SLC9A8: variants seen among roughly 807,000 people sequenced by gnomAD.
SLC9A8 encodes sodium/hydrogen exchanger 8.
SLC9A8 carries 48 observed loss-of-function variants against 66.6 expected under a neutral mutation model. The ratio of observed to expected loss-of-function variants is 0.72; its 90% CI spans 0.57 to 0.92. The LOEUF is 0.92. Among genes scored for constraint, SLC9A8 ranks in the 40% least tolerant of loss-of-function variants. SLC9A8 has a pLI of 0.00. For missense variants in SLC9A8, 599 were observed against 747.3 expected, an observed-to-expected ratio of 0.80 and a Z score of 2.31; for synonymous variants, 274 against 282.6, an observed-to-expected ratio of 0.97 and a Z score of 0.31.
Position 49,888,024 on chromosome 20 carries a change from G to A in SLC9A8, c.*88G>A, listed in dbSNP as rs2146798507. 2.0e-6 allele frequency: 2 copies of A among 998,326 alleles called. No homozygotes were observed. The highest frequency in any genetic ancestry group is 3.1e-6 in the Non-Finnish European group (2 of 637,594). 61.8% of individuals were successfully genotyped at this position (998,326 alleles called of 1,614,324 possible). On this transcript the variant is annotated 3_prime_UTR_variant, in exon 16 of 16. Transcript: ENST00000361573. ...CAGCAGGGGCCTCGCAGAGATGCGT[G>A]CATCCAGCAGCCCCTTCAAGACATA...
intron 3 of SLC9A8, among the ~76,000 whole-genome samples, chr20:49,825,658 AAAAAATTGG>A (rs2086889202): frequency 1.3e-5 from 2 of 152,102 alleles, no homozygotes; most frequent in South Asian, 4.1e-4. Flanking sequence ...AAACAAACAA[AAAAAATTGG>A]TGGGGGTAGG....
chr20:49,833,987 G>A (rs911001973), intron 3 of SLC9A8, among the ~76,000 whole-genome samples: 11 of 151,358 alleles, frequency 7.3e-5, no homozygotes, highest in Admixed American at 6.6e-4. Context: ...AGTGGCTCAC[G>A]CCTGTAATCC....
chr20:49,834,492 A>G (rs1170452602), intron 3 of SLC9A8, among the ~76,000 whole-genome samples: 1 of 144,026 alleles, frequency 6.9e-6, no homozygotes, highest in African/African-American at 2.6e-5. Context: ...TACTGTATAT[A>G]TACACACACA....
chr20:49,848,820 T>C (rs1045056701), intron 5 of SLC9A8, among the ~76,000 whole-genome samples: 3 of 152,140 alleles, frequency 2.0e-5, no homozygotes, highest in Admixed American at 2.0e-4. Flanking sequence ...GTGTGGACTT[T>C]GGATGTGAAA....
rs1276035845 is a variant in SLC9A8, at chr20:49,884,044, A to G, written c.1469A>G (p.Asn490Ser). ...CACCGCAGGAACAAGAAGGACGTCAACCTCAGCAAGACTGAGAAGATGGTT... is the reference window on the plus strand; with the variant it reads ...CACCGCAGGAACAAGAAGGACGTCAGCCTCAGCAAGACTGAGAAGATGGTT... ...KAHRRNKKDV[N>S]LSKTEKMGNT... Residue 490 changes from asparagine to serine, a missense_variant, in exon 14 of 16, where the codon AAC becomes AGC. Around this residue, in one of 2 missense-constraint regions of SLC9A8, gnomAD observed 467 missense variants for 626.5 expected, o/e 0.75. Coordinates refer to ENST00000361573, the MANE Select transcript of SLC9A8 (RefSeq NM_015266.3). The G allele has an allele frequency of 1.1e-5, 18 of 1,613,430 alleles. No homozygotes were observed. The highest frequency in any genetic ancestry group is 1.5e-5 in the Non-Finnish European group (18 of 1,179,978).
Position 49,862,949 on chromosome 20 carries a change from G to GA in SLC9A8, c.740dup (p.Asn247LysfsTer16). Reference sequence around the variant, plus strand: ...CCTAGCACAGCTGAAGGTTTAACAAGAAAAAATATGTCAGATGTCAGTGGG... The same window carrying GA: ...CCTAGCACAGCTGAAGGTTTAACAAGAAAAAAATATGTCAGATGTCAGTGGG... On this transcript the variant is annotated frameshift_variant, in exon 9 of 16. Coordinates refer to ENST00000361573, the MANE Select transcript of SLC9A8 (RefSeq NM_015266.3). LOFTEE classifies it high-confidence loss of function. The GA allele has an allele frequency of 6.2e-7, 1 of 1,612,708 alleles. No homozygotes were observed. The highest frequency in any genetic ancestry group is 8.5e-7 in the Non-Finnish European group (1 of 1,179,062).
In SLC9A8 at chr20:49,812,869, C is replaced by T; in HGVS notation, c.-54C>T. ...CTCCAGCGGAAGCCGGAAGCAAAAG[C>T]GGGTCCTGCTAGCCCCGCGGCTCCG... On this transcript the variant is annotated 5_prime_UTR_variant, in exon 1 of 16. Transcript: ENST00000361573. 4 of 1,492,718 alleles carry T rather than the reference C, an allele frequency of 2.7e-6. No homozygotes were observed. Among genetic ancestry groups the T allele is most frequent in the Non-Finnish European group, 3.6e-6 (4 of 1,123,386 alleles). 92.5% of individuals were successfully genotyped at this position (1,492,718 alleles called of 1,614,324 possible).
Position 49,812,950 on chromosome 20 carries a change from T to A in SLC9A8, c.26+2T>A. On this transcript the variant is annotated splice_donor_variant, in intron 1 of 15. Coordinates refer to ENST00000361573, the MANE Select transcript of SLC9A8 (RefSeq NM_015266.3). LOFTEE classifies it high-confidence loss of function. ...GGGGGAGAAGATGGCGGAAGAGGAG[T>A]GAGTGGGCTTTTTCCCGGGCGGCGG... 1 of 1,428,624 alleles carries A rather than the reference T, an allele frequency of 7.0e-7. No individual in the cohort carries two copies. The highest frequency in any genetic ancestry group is 9.2e-7 in the Non-Finnish European group (1 of 1,091,852). 88.5% of individuals were successfully genotyped at this position (1,428,624 alleles called of 1,614,324 possible). A position where few individuals can be genotyped will look rare whatever the true frequency, so the allele number is the denominator to read the frequency against.
Position 49,870,790 on chromosome 20 carries a change from C to G in SLC9A8, c.959-3915C>G, listed in dbSNP as rs527821957. On this transcript the variant is annotated intron_variant, in intron 10 of 15. Transcript: ENST00000361573. ...AATCACGTCTCACTGCAGCCTTGACCTCCCCAGGTTTAGGTGATCCTTCCA... is the reference window on the plus strand; with the variant it reads ...AATCACGTCTCACTGCAGCCTTGACGTCCCCAGGTTTAGGTGATCCTTCCA... Among the ~76,000 whole-genome samples the G allele has an allele frequency of 6.6e-5, 10 of 152,340 alleles. No individual in the cohort carries two copies. In the East Asian group the frequency reaches 1.9e-3, roughly 29 times the overall value.
At chr20:49,813,984 CTGTT>C (rs1026130153) in intron 1 of SLC9A8, among the ~76,000 whole-genome samples, 8 of 152,156 alleles carry the variant, frequency 5.3e-5, no homozygotes, top group South Asian at 2.1e-4. Context: ...TGCCCTATCA[CTGTT>C]TGTGGAATGA....
At chr20:49,825,935 G>T (rs1226045953) in intron 3 of SLC9A8, among the ~76,000 whole-genome samples, 1 of 152,212 alleles carries the variant, frequency 6.6e-6, no homozygotes, top group Non-Finnish European at 1.5e-5. Context: ...ACCAAAAGTT[G>T]CAGGATGAAC....
At chr20:49,827,696 CA>C (rs1445339929) in intron 3 of SLC9A8, among the ~76,000 whole-genome samples, 1 of 151,932 alleles carries the variant, frequency 6.6e-6, no homozygotes, top group Non-Finnish European at 1.5e-5. Flanking sequence ...GAGTTTCCCC[CA>C]ACCCCAAAAA....
At chr20:49,818,827 T>C (rs563820467) in intron 2 of SLC9A8, among the ~76,000 whole-genome samples, 6 of 152,346 alleles carry the variant, frequency 3.9e-5, no homozygotes, top group African/African-American at 1.4e-4. Flanking sequence ...TAAAAATTGC[T>C]GTTATTAGGT....
intron 5 of SLC9A8, among the ~76,000 whole-genome samples, chr20:49,845,796 G>A (rs1011897313): frequency 5.3e-5 from 8 of 151,960 alleles, no homozygotes; most frequent in African/African-American, 9.7e-5. Flanking sequence ...TGGCCTTGAC[G>A]GCCATTGCCT....
At chr20:49,843,295 C>T (rs1209375643) in intron 4 of SLC9A8, among the ~76,000 whole-genome samples, 3 of 152,136 alleles carry the variant, frequency 2.0e-5, no homozygotes, top group Non-Finnish European at 2.9e-5. Context: ...GAGCTCGGCT[C>T]ATTTTTTTTC....
chr20:49,833,084 T>C (rs1367946600), intron 3 of SLC9A8, among the ~76,000 whole-genome samples: 4 of 152,150 alleles, frequency 2.6e-5, no homozygotes, highest in African/African-American at 9.7e-5. Flanking sequence ...TTTTGTATTT[T>C]TAGCGGAGAC....
chr20:49,827,808 A>C (rs951572854), intron 3 of SLC9A8, among the ~76,000 whole-genome samples: 10 of 152,068 alleles, frequency 6.6e-5, no homozygotes, highest in Non-Finnish European at 1.3e-4. Context: ...AATACTGCTG[A>C]TGATTAGAAA....
At chr20:49,839,426 C>G (rs879301199) in intron 3 of SLC9A8, 115 bp from the exon 4 acceptor site, 169 of 584,626 alleles carry the variant, frequency 2.9e-4, no homozygotes, top group Middle Eastern at 1.5e-3. Flanking sequence ...GAAGCTGTGC[C>G]CCAACCACCT....
chr20:49,832,166 C>G (rs974866008), intron 3 of SLC9A8, among the ~76,000 whole-genome samples: 1 of 152,208 alleles, frequency 6.6e-6, no homozygotes, highest in Non-Finnish European at 1.5e-5. Flanking sequence ...CCACCTTCCT[C>G]TCATGGAGAC....
Sources: gnomAD v4.1 joint callset for allele counts (sites outside exome capture counted in the v4.1 genomes callset) on GRCh38, gnomAD v4.1.1 for gene constraint, gnomAD v4.1.1 regional missense constraint, MANE v1.5 for transcripts, NCBI Gene and HGNC (gene_info 2026-07-23, HGNC 2026-07-21) for gene names.